The following MYRIP variants were observed in gnomAD, a reference collection of about 807,000 sequenced individuals.
The protein encoded by MYRIP is rab effector MyRIP.
A neutral mutation model predicts 98.0 loss-of-function variants in MYRIP; 49 were observed. The ratio of observed to expected loss-of-function variants is 0.50; its 90% confidence interval spans 0.40 to 0.63. MYRIP has a LOEUF of 0.63. MYRIP is among the 30% of genes least tolerant of loss of function. The probability of loss-of-function intolerance (pLI) is 0.00; values close to 1 mark genes in which losing one functional copy is unlikely to be tolerated. For missense variants in MYRIP, 1,004 were observed against 1,058.2 expected (o/e 0.95, Z 0.71); for synonymous variants, 404 against 409.5 (o/e 0.99, Z 0.16).
intron 2 of MYRIP, among the ~76,000 whole-genome samples, chr3:39,964,386 G>A (rs1040262531): frequency 1.3e-5 from 2 of 152,146 alleles, no homozygotes; most frequent in Non-Finnish European, 2.9e-5. Flanking sequence ...TGATAAAGAG[G>A]TGGCAGCATA....
At chr3:39,861,713 G>A (rs1157402894) in intron 1 of MYRIP, among the ~76,000 whole-genome samples, 1 of 152,050 alleles carries the variant, frequency 6.6e-6, no homozygotes, top group African/African-American at 2.4e-5. Flanking sequence ...AAAGTATTAA[G>A]AGCAGAATCA....
intron 3 of MYRIP, among the ~76,000 whole-genome samples, chr3:40,134,021 C>T (rs142417458): frequency 0.015 from 2,348 of 152,306 alleles, 21 homozygotes; most frequent in Non-Finnish European, 0.021. Flanking sequence ...CTGGGGAGTG[C>T]CGGACAGTGG....
At chr3:39,971,522 T>C (rs930024650) in intron 2 of MYRIP, among the ~76,000 whole-genome samples, 1 of 152,088 alleles carries the variant, frequency 6.6e-6, no homozygotes, top group Non-Finnish European at 1.5e-5. Context: ...ATGGAAGCAT[T>C]TTAAAAATTC....
At chr3:40,018,218 T>C (rs1946912895) in intron 2 of MYRIP, among the ~76,000 whole-genome samples, 1 of 152,228 alleles carries the variant, frequency 6.6e-6, no homozygotes, top group South Asian at 2.1e-4. Context: ...TTTTGCTCCC[T>C]AACTATTGGT....
intron 3 of MYRIP, among the ~76,000 whole-genome samples, chr3:40,123,748 G>C (rs181483572): frequency 6.6e-6 from 1 of 152,314 alleles, no homozygotes; most frequent in East Asian, 1.9e-4. Flanking sequence ...CCCACCTGTA[G>C]CTAAGGGACC....
chr3:40,186,871 A>T (rs535491098), intron 9 of MYRIP, among the ~76,000 whole-genome samples: 1 of 152,224 alleles, frequency 6.6e-6, no homozygotes, highest in Non-Finnish European at 1.5e-5. Flanking sequence ...CCCCAGACAC[A>T]GCATTAGGAG....
chr3:40,058,017 G>A (rs1947917901), intron 3 of MYRIP, among the ~76,000 whole-genome samples: 1 of 152,086 alleles, frequency 6.6e-6, no homozygotes, highest in East Asian at 1.9e-4. Context: ...TTACTATGAT[G>A]TTTTCATTTT....
intron 1 of MYRIP, among the ~76,000 whole-genome samples, chr3:39,866,277 C>A (rs1365477988): frequency 6.6e-6 from 1 of 152,012 alleles, no homozygotes; most frequent in African/African-American, 2.4e-5. Context: ...ACACCAAACG[C>A]CCATGACACA....
chr3:40,082,779 T>C lies in MYRIP; in HGVS notation c.332+38508T>C, dbSNP rs151152633. 1.0e-3 allele frequency among the ~76,000 whole-genome samples: 156 copies of C among 152,324 alleles called. 1 individual carries two copies. The highest frequency in any genetic ancestry group is 3.6e-3 in the African/African-American group (150 of 41,572). ...CCTCCTAATCATGAAGGAAATGGCA[T>C]GTGTAATGGATACATTTTTCATCTC... On this transcript the variant is annotated intron_variant, in intron 3 of 16. Coordinates refer to ENST00000302541, the MANE Select transcript of MYRIP (RefSeq NM_015460.4).
chr3:40,154,909 T>C (rs1472107545), intron 4 of MYRIP, among the ~76,000 whole-genome samples: 1 of 152,210 alleles, frequency 6.6e-6, no homozygotes, highest in African/African-American at 2.4e-5. Flanking sequence ...ATATGCTTTA[T>C]TTAGTGTTAG....
chr3:39,902,089 T>C (rs866553935), intron 2 of MYRIP, among the ~76,000 whole-genome samples: 4 of 152,178 alleles, frequency 2.6e-5, no homozygotes, highest in Non-Finnish European at 5.9e-5. Context: ...CCAAGGTTTT[T>C]TGGCATAGGA....
chr3:40,055,978 C>T (rs1947878346), intron 3 of MYRIP, among the ~76,000 whole-genome samples: 1 of 152,166 alleles, frequency 6.6e-6, no homozygotes, highest in Non-Finnish European at 1.5e-5. Context: ...TTCACATAAA[C>T]ATCATTGTAA....
intron 1 of MYRIP, among the ~76,000 whole-genome samples, chr3:39,898,119 G>T (rs1269241925): frequency 6.6e-6 from 1 of 152,084 alleles, no homozygotes; most frequent in Non-Finnish European, 1.5e-5. Flanking sequence ...CCTTGCCTTT[G>T]CAGTCTGTGG....
intron 3 of MYRIP, among the ~76,000 whole-genome samples, chr3:40,097,943 G>C (rs1033386722): frequency 1.3e-5 from 2 of 152,210 alleles, no homozygotes; most frequent in Non-Finnish European, 2.9e-5. Context: ...GAGTGTTAGA[G>C]AGAGCTGGTG....
intron 1 of MYRIP, among the ~76,000 whole-genome samples, chr3:39,858,423 A>G (rs1942369044): frequency 1.3e-5 from 2 of 152,182 alleles, no homozygotes; most frequent in African/African-American, 4.8e-5. Flanking sequence ...GGAAAAATAA[A>G]TAGCAATGCA....
chr3:39,840,377 G>T (rs763528723), intron 1 of MYRIP, among the ~76,000 whole-genome samples: 3 of 152,112 alleles, frequency 2.0e-5, no homozygotes, highest in Non-Finnish European at 4.4e-5. Context: ...TTGCACATGA[G>T]ATGGGTCTGC....
chr3:39,812,423 G>A (rs926822558), intron 1 of MYRIP, among the ~76,000 whole-genome samples: 4 of 152,312 alleles, frequency 2.6e-5, no homozygotes, highest in African/African-American at 4.8e-5. Context: ...TCTGGGTGAA[G>A]AATGACTTGG....
intron 2 of MYRIP, among the ~76,000 whole-genome samples, chr3:39,916,037 C>T (rs2125685418): frequency 6.6e-6 from 1 of 152,068 alleles, no homozygotes; most frequent in South Asian, 2.1e-4. Context: ...GGCCCCATGC[C>T]CTTTCTAGGG....
intron 2 of MYRIP, among the ~76,000 whole-genome samples, chr3:39,942,308 T>A (rs1944806930): frequency 6.6e-6 from 1 of 152,132 alleles, no homozygotes; most frequent in African/African-American, 2.4e-5. Context: ...TAAGAAGCAG[T>A]AAACTCTTGG....
Sources: allele counts gnomAD v4.1 joint callset (sites outside exome capture counted in the v4.1 genomes callset), GRCh38; gene constraint gnomAD v4.1.1; transcripts MANE v1.5; gene names NCBI Gene and HGNC (gene_info 2026-07-23, HGNC 2026-07-21).